The following KIF26B variants were observed in gnomAD, a reference collection of about 807,000 sequenced individuals.
The protein encoded by KIF26B is kinesin family member 26B.
In KIF26B, 63 loss-of-function variants were observed where a neutral mutation model predicts 151.2. The ratio of observed to expected loss-of-function variants is 0.42; its 90% CI spans 0.34 to 0.51. The LOEUF (loss-of-function observed/expected upper bound fraction) is 0.51. Ranked by LOEUF, KIF26B falls within the 20% of genes least tolerant of loss-of-function variation. The probability of loss-of-function intolerance (pLI) is 0.07; values close to 1 mark genes in which losing one functional copy is unlikely to be tolerated. For missense variants in KIF26B, 2,813 were observed against 2,913.6 expected (o/e 0.97, Z 0.79); for synonymous variants, 1,357 against 1,262.1 (o/e 1.08, Z -1.59).
intron 12 of KIF26B, among the ~76,000 whole-genome samples, chr1:245,689,284 A>C (rs865800073): frequency 2.0e-5 from 3 of 152,180 alleles, no homozygotes; most frequent in Non-Finnish European, 4.4e-5. Context: ...CTGTTGAGGG[A>C]TCAGGTGAGG....
chr1:245,447,034 T>C (rs1313717164), intron 4 of KIF26B, among the ~76,000 whole-genome samples: 1 of 152,214 alleles, frequency 6.6e-6, no homozygotes, highest in Non-Finnish European at 1.5e-5. Flanking sequence ...CAGGATATAA[T>C]CTGAAGGATT....
chr1:245,402,347 C>T (rs1419181853), intron 3 of KIF26B, among the ~76,000 whole-genome samples: 1 of 152,214 alleles, frequency 6.6e-6, no homozygotes, highest in Non-Finnish European at 1.5e-5. Context: ...ATCTGAGTCC[C>T]TCCTGTCTGC....
At chr1:245,423,062 C>T (rs1172306843) in intron 4 of KIF26B, among the ~76,000 whole-genome samples, 3 of 144,650 alleles carry the variant, frequency 2.1e-5, no homozygotes, top group Non-Finnish European at 4.5e-5. Context: ...GGCGCCACTG[C>T]ACTCCAGCCT....
At chr1:245,253,308 C>T (rs1670477527) in intron 2 of KIF26B, among the ~76,000 whole-genome samples, 1 of 151,898 alleles carries the variant, frequency 6.6e-6, no homozygotes, top group African/African-American at 2.4e-5. Context: ...TGGGCCCTGC[C>T]TCTTAATATG....
intron 3 of KIF26B, among the ~76,000 whole-genome samples, chr1:245,409,426 G>A (rs1245565027): frequency 6.6e-6 from 1 of 152,172 alleles, no homozygotes; most frequent in East Asian, 1.9e-4. Context: ...TCTGAGCCCC[G>A]ATAATGGGAA....
intron 9 of KIF26B, among the ~76,000 whole-genome samples, chr1:245,629,538 C>A (rs148063551): frequency 3.0e-4 from 45 of 152,068 alleles, no homozygotes; most frequent in African/African-American, 1.0e-3. Flanking sequence ...AAAAGCTAGC[C>A]GTATGCAGAA....
rs548911531 is a variant in KIF26B at position 245,358,148 on chromosome 1, G to T, written c.466-8686G>T. On this transcript the variant is annotated intron_variant, in intron 2 of 14. Transcript: ENST00000407071. The surrounding 1 kb of genome is among the most constrained non-coding windows in gnomAD (Gnocchi z 4.1). ...CAGGCTGGTCTCGAACTTCAGATCT[G>T]CCCACCTCAGTTTCCCAAAGTGTGG... Among the ~76,000 whole-genome samples the T allele has an allele frequency of 2.0e-5, 3 of 152,200 alleles. No homozygotes were observed. In the South Asian group the frequency reaches 6.2e-4, roughly 32 times the overall value.
In KIF26B at chr1:245,358,700, G is replaced by A. The variant is rs1478441838; in HGVS notation, c.466-8134G>A. On this transcript the variant is annotated intron_variant, in intron 2 of 14. Transcript: ENST00000407071. The surrounding 1 kb of genome is among the most constrained non-coding windows in gnomAD (Gnocchi z 4.1). ...TTGAAAATAATTCCATTTGCTGCCTGCTGGCACATTAAAGCCTACATGTAA... is the reference window on the plus strand; with the variant it reads ...TTGAAAATAATTCCATTTGCTGCCTACTGGCACATTAAAGCCTACATGTAA... 6.6e-6 allele frequency among the ~76,000 whole-genome samples: 1 copy of A among 152,190 alleles called. No individual in the cohort carries two copies. Among genetic ancestry groups the A allele is most frequent in the Non-Finnish European group, 1.5e-5 (1 of 68,040 alleles).
intron 2 of KIF26B, among the ~76,000 whole-genome samples, chr1:245,258,117 C>T (rs552288033): frequency 2.6e-5 from 4 of 152,236 alleles, no homozygotes; most frequent in South Asian, 2.1e-4. Flanking sequence ...GGGAGCTTGA[C>T]GTGGCTACTG....
chr1:245,575,152 A>T (rs1351278255), intron 5 of KIF26B, among the ~76,000 whole-genome samples: 2 of 148,720 alleles, frequency 1.3e-5, no homozygotes, highest in African/African-American at 2.5e-5. Context: ...GGCTCAAGCC[A>T]CCGCGCCTGG....
At chr1:245,510,211 T>C (rs1331522635) in intron 4 of KIF26B, among the ~76,000 whole-genome samples, 1 of 152,226 alleles carries the variant, frequency 6.6e-6, no homozygotes, top group African/African-American at 2.4e-5. Flanking sequence ...GGGCTGTTTG[T>C]TGGGTTTGCA....
At position 245,611,920 on chromosome 1, in the gene KIF26B, T is replaced by C; in HGVS notation, c.2042T>C (p.Val681Ala). The change falls in exon 9 of 15, where the codon GTG becomes GCG. Residue 681 changes from valine to alanine, a missense_variant. Physicochemically the swap from Val to Ala is moderately conservative, Grantham distance 64. Transcript: ENST00000407071. Reference sequence around the variant, plus strand: ...GAGGACGACCACCGCAACTCACACGTGTTCTTCACACTGCACATCTACCAG... The same window carrying C: ...GAGGACGACCACCGCAACTCACACGCGTTCTTCACACTGCACATCTACCAG... ...CDEDDHRNSHVFFTLHIYQYR... is the reference protein window; with the variant it reads ...CDEDDHRNSHAFFTLHIYQYR... 6.2e-7 allele frequency: 1 copy of C among 1,613,316 alleles called. No homozygotes were observed. Among genetic ancestry groups the C allele is most frequent in the Admixed American group, 1.7e-5 (1 of 59,960 alleles).
intron 3 of KIF26B, among the ~76,000 whole-genome samples, chr1:245,380,279 G>A (rs556395485): frequency 4.8e-4 from 73 of 152,258 alleles, no homozygotes; most frequent in South Asian, 3.3e-3. Context: ...CTGAGAGCCT[G>A]GGCAATGACT....
chr1:245,418,078 TTGAGTGGGGA>T (rs1674464179), intron 3 of KIF26B, among the ~76,000 whole-genome samples: 1 of 152,248 alleles, frequency 6.6e-6, no homozygotes, highest in South Asian at 2.1e-4. Context: ...ATCGATGCTG[TTGAGTGGGGA>T]TGACGGTGTG....
chr1:245,527,102 T>C (rs972191024), intron 4 of KIF26B, among the ~76,000 whole-genome samples: 5 of 152,234 alleles, frequency 3.3e-5, no homozygotes, highest in African/African-American at 1.2e-4. Flanking sequence ...AATTAGCATA[T>C]GTATAAATGA....
In KIF26B at chr1:245,702,621, T is replaced by C. The variant is rs2147972373; in HGVS notation, c.*15T>C. ...GGCGCCGGTAGATGAGCCAGACCCT[T>C]GTCCTAGTGGTCCCCCGCTCCCCAG... On this transcript the variant is annotated 3_prime_UTR_variant, in exon 15 of 15. Transcript: ENST00000407071. This position sits in a 1 kb window ranked among gnomAD's most constrained non-coding sequence, Gnocchi z 4.1. 6.2e-7 allele frequency: 1 copy of C among 1,611,336 alleles called. No homozygotes were observed. The highest frequency in any genetic ancestry group is 2.2e-5 in the East Asian group (1 of 44,840).
chr1:245,214,664 C>T (rs947950544), intron 2 of KIF26B, among the ~76,000 whole-genome samples: 4 of 152,036 alleles, frequency 2.6e-5, no homozygotes, highest in African/African-American at 9.7e-5. Context: ...CATGGTGAAA[C>T]CCCGTCTCTA....
intron 2 of KIF26B, among the ~76,000 whole-genome samples, chr1:245,264,220 A>G (rs747552096): frequency 5.3e-5 from 8 of 152,202 alleles, no homozygotes; most frequent in Admixed American, 1.3e-4. Flanking sequence ...TCTTTTTAAA[A>G]AGACATTTTT....
chr1:245,680,298 T>C (rs1027326825), intron 10 of KIF26B, among the ~76,000 whole-genome samples: 1 of 152,122 alleles, frequency 6.6e-6, no homozygotes, highest in African/African-American at 2.4e-5. Context: ...GGACATCTTT[T>C]AGAGTCCGCA....
Sources: gnomAD v4.1 joint callset for allele counts (sites outside exome capture counted in the v4.1 genomes callset) on GRCh38, gnomAD v4.1.1 for gene constraint, Gnocchi (gnomAD v3.1) non-coding constraint, MANE v1.5 for transcripts, NCBI Gene and HGNC (gene_info 2026-07-23, HGNC 2026-07-21) for gene names.